SLC51B: variants seen among roughly 807,000 people sequenced by gnomAD.
The protein encoded by SLC51B is SLC51 subunit beta, also known as organic solute transporter subunit beta.
Under a neutral mutation model 8.0 loss-of-function variants are expected in SLC51B, and 6 were observed. That is an observed-to-expected ratio of 0.75 (90% CI 0.41 to 1.48). SLC51B has a LOEUF of 1.48. Ranked by LOEUF, SLC51B falls within the 40% of genes most tolerant of loss-of-function variation. The probability of loss-of-function intolerance (pLI) is 0.01; values close to 1 mark genes in which losing one functional copy is unlikely to be tolerated. For missense variants in SLC51B, 150 were observed against 149.7 expected (o/e 1.00, Z -0.01); for synonymous variants, 61 against 54.8 (o/e 1.11, Z -0.50).
intron 1 of SLC51B, among the ~76,000 whole-genome samples, chr15:65,047,789 G>A (rs1465666072): frequency 9.1e-6 from 1 of 109,908 alleles, no homozygotes; most frequent in African/African-American, 3.6e-5. Flanking sequence ...CAGATAGATC[G>A]ATAGATGATA....
chr15:65,050,216 C>T (rs761475809), intron 2 of SLC51B, 115 bp downstream of exon 2: 22 of 809,270 alleles, frequency 2.7e-5, no homozygotes, highest in Non-Finnish European at 4.0e-5. Flanking sequence ...ACATTTCCTC[C>T]AAGACAGGGA....
At chr15:65,050,249 C>G (rs2086632134) in intron 2 of SLC51B, 148 bp downstream of exon 2, 1 of 653,276 alleles carries the variant, frequency 1.5e-6, no homozygotes, top group Admixed American at 2.9e-5. Context: ...GTCTCAGTAC[C>G]CAGAGGGGTC....
chr15:65,050,833 C>CTTTTTTTTT (rs67418433), intron 2 of SLC51B, among the ~76,000 whole-genome samples: 4 of 88,602 alleles, frequency 4.5e-5, no homozygotes, highest in African/African-American at 4.5e-5. Flanking sequence ...TCTTCTTCTT[C>CTTTTTTTTT]TTCTTTTTTT....
At chr15:65,046,254 T>C (rs1428473922) in intron 1 of SLC51B, among the ~76,000 whole-genome samples, 1 of 152,216 alleles carries the variant, frequency 6.6e-6, no homozygotes, top group Admixed American at 6.5e-5. Flanking sequence ...TGAGCTGAGA[T>C]GGTGCCACTA....
At position 65,052,158 on chromosome 15, in the gene SLC51B, T is replaced by C. The variant is rs929008483; in HGVS notation, c.188+553T>C. On this transcript the variant is annotated intron_variant, in intron 3 of 3. Coordinates refer to ENST00000334287, the MANE Select transcript of SLC51B (RefSeq NM_178859.4). The stretch of plus-strand genomic sequence containing the variant: ...GGGGAGGGGAGTGATGTGTACACGA[T>C]GGGGTTTTAGAAACATGACTGGTGT... Among the ~76,000 whole-genome samples the C allele has an allele frequency of 2.0e-5, 3 of 152,068 alleles. No individual in the cohort carries two copies. In the East Asian group the frequency reaches 5.8e-4, roughly 29 times the overall value.
At chr15:65,046,141 T>A (rs1325254035) in intron 1 of SLC51B, among the ~76,000 whole-genome samples, 2 of 152,164 alleles carry the variant, frequency 1.3e-5, no homozygotes, top group African/African-American at 4.8e-5. Flanking sequence ...TCTCTACTAA[T>A]AATACAAAAA....
At chr15:65,047,087 TG>T (rs1239666039) in intron 1 of SLC51B, among the ~76,000 whole-genome samples, 16 of 152,190 alleles carry the variant, frequency 1.1e-4, no homozygotes, top group African/African-American at 3.6e-4. Context: ...CTGGGTGCAG[TG>T]GCTCACACCT....
Position 65,053,228 on chromosome 15 carries a change from A to G in SLC51B, c.*64A>G. On this transcript the variant is annotated 3_prime_UTR_variant, in exon 4 of 4. Transcript: ENST00000334287. ...GATGTGGGCTCAGCTCAGTGGCCTG[A>G]AACCTCTCAGGTTTTAGAGTCTCTC... The G allele has an allele frequency of 6.3e-7, 1 of 1,575,182 alleles. No individual in the cohort carries two copies. The highest frequency in any genetic ancestry group is 8.6e-7 in the Non-Finnish European group (1 of 1,164,398).
At chr15:65,049,793 C>G (rs1427639758) in intron 1 of SLC51B, 104 bp from the exon 2 acceptor site, 14 of 426,678 alleles carry the variant, frequency 3.3e-5, no homozygotes, top group Non-Finnish European at 5.0e-5. Context: ...TCGTTCGGGT[C>G]GTTTTTGTCC....
chr15:65,049,802 C>G, intron 1 of SLC51B, 95 bp from the exon 2 acceptor site: 61 of 381,570 alleles, frequency 1.6e-4, no homozygotes, highest in Non-Finnish European at 1.8e-4. Flanking sequence ...TCGTTTTTGT[C>G]CCATAACTTT....
chr15:65,047,870 A>G (rs2086597916), intron 1 of SLC51B, among the ~76,000 whole-genome samples: 1 of 152,176 alleles, frequency 6.6e-6, no homozygotes, highest in Admixed American at 6.5e-5. Flanking sequence ...GGCAGTGTGC[A>G]TGTGAGTCCT....
intron 3 of SLC51B, 42 bp downstream of exon 3, chr15:65,051,647 G>A (rs1474663386): frequency 2.5e-6 from 4 of 1,572,202 alleles, no homozygotes; most frequent in Admixed American, 1.7e-5. Flanking sequence ...TCTCTGTGGG[G>A]TAGAGGCCCT....
Position 65,053,344 on chromosome 15 carries a change from A to AC in SLC51B, c.*180_*181insC. ...ACTGCAAGCAAACTAAAATTCTGTT[A>AC]TTAAAAAAAATCTTTTATTAAAATG... On this transcript the variant is annotated 3_prime_UTR_variant, in exon 4 of 4. Coordinates refer to ENST00000334287, the MANE Select transcript of SLC51B (RefSeq NM_178859.4). 7.1e-7 allele frequency: 1 copy of AC among 1,416,786 alleles called. No individual in the cohort carries two copies. Among genetic ancestry groups the AC allele is most frequent in the Non-Finnish European group, 9.1e-7 (1 of 1,093,458 alleles). The allele number at this position is 1,416,786 out of a possible 1,614,324, so 87.8% of individuals were successfully genotyped here.
In SLC51B at chr15:65,053,181, C is replaced by A. The variant is rs1164616820; in HGVS notation, c.*17C>A. 6.2e-7 allele frequency: 1 copy of A among 1,612,804 alleles called. No homozygotes were observed. Among genetic ancestry groups the A allele is most frequent in the Non-Finnish European group, 8.5e-7 (1 of 1,179,874 alleles). Reference sequence around the variant, plus strand: ...GAGAGCTAGTGAGGGTTCAGAGAAGCCCCATCCTAAGCCAGACACATGATG... The same window carrying A: ...GAGAGCTAGTGAGGGTTCAGAGAAGACCCATCCTAAGCCAGACACATGATG... On this transcript the variant is annotated 3_prime_UTR_variant, in exon 4 of 4. Coordinates refer to ENST00000334287, the MANE Select transcript of SLC51B (RefSeq NM_178859.4).
chr15:65,052,444 A>G (rs1486352477), intron 3 of SLC51B, among the ~76,000 whole-genome samples: 1 of 124,558 alleles, frequency 8.0e-6, no homozygotes, highest in Non-Finnish European at 1.6e-5. Context: ...TCTATTGCCC[A>G]GGATGGAGTG....
intron 1 of SLC51B, among the ~76,000 whole-genome samples, chr15:65,047,207 A>G (rs1488206973): frequency 6.6e-6 from 1 of 151,818 alleles, no homozygotes; most frequent in Non-Finnish European, 1.5e-5. Context: ...GTGGTGGCAC[A>G]TGCCTGTAGT....
At chr15:65,045,859 C>T (rs1166808254) in intron 1 of SLC51B, among the ~76,000 whole-genome samples, 3 of 152,238 alleles carry the variant, frequency 2.0e-5, no homozygotes, top group African/African-American at 4.8e-5. Flanking sequence ...AAACTGGATA[C>T]GTGCTTTGAT....
rs1463979060 is a variant in SLC51B at position 65,053,203 on chromosome 15, G to A, written c.*39G>A. 6.2e-7 allele frequency: 1 copy of A among 1,609,226 alleles called. No homozygotes were observed. The highest frequency in any genetic ancestry group is 8.5e-7 in the Non-Finnish European group (1 of 1,178,184). ...AAGCCCCATCCTAAGCCAGACACAT[G>A]ATGTGGGCTCAGCTCAGTGGCCTGA... On this transcript the variant is annotated 3_prime_UTR_variant, in exon 4 of 4. Transcript: ENST00000334287.
Position 65,049,963 on chromosome 15 carries a change from G to C in SLC51B, c.-42G>C. 6.7e-7 allele frequency: 1 copy of C among 1,493,588 alleles called. No homozygotes were observed. Among genetic ancestry groups the C allele is most frequent in the Non-Finnish European group, 9.1e-7 (1 of 1,100,222 alleles). 92.5% of individuals were successfully genotyped at this position (1,493,588 alleles called of 1,614,324 possible). ...GGCCAGGAGGGCTGCTGGGGCTAAG[G>C]GGTCTAAGGACCTCGTTGCACACGC... On this transcript the variant is annotated 5_prime_UTR_variant, in exon 2 of 4. Transcript: ENST00000334287.
Sources: allele counts gnomAD v4.1 joint callset (sites outside exome capture counted in the v4.1 genomes callset), GRCh38; gene constraint gnomAD v4.1.1; transcripts MANE v1.5; gene names NCBI Gene and HGNC (gene_info 2026-07-23, HGNC 2026-07-21).